Variants in TFR2 observed in about 807,000 individuals in gnomAD.
The protein encoded by TFR2 is transferrin receptor 2, also known as transferrin receptor protein 2.
Under a neutral mutation model 91.9 loss-of-function variants are expected in TFR2, and 64 were observed. That is an observed-to-expected ratio of 0.70 (90% CI 0.57 to 0.86). The LOEUF (loss-of-function observed/expected upper bound fraction) is 0.86, where lower values mean the gene tolerates loss of function less well. TFR2 is among the 40% of genes least tolerant of loss of function. TFR2 has a pLI of 0.00. For missense variants in TFR2, 950 were observed against 1,080.5 expected (o/e 0.88, Z 1.69); for synonymous variants, 454 against 459.6 (o/e 0.99, Z 0.15).
intron 9 of TFR2, among the ~76,000 whole-genome samples, chr7:100,629,626 T>C (rs563712962): frequency 9.9e-4 from 151 of 152,274 alleles, no homozygotes; most frequent in African/African-American, 3.4e-3. Context: ...GGTGTGATCA[T>C]AGCTCACTGC....
chr7:100,625,564 G>A (rs1053983632), intron 17 of TFR2, among the ~76,000 whole-genome samples: 4 of 152,102 alleles, frequency 2.6e-5, no homozygotes, highest in African/African-American at 9.7e-5. Flanking sequence ...GGTTAAAGAA[G>A]AATGAATGGA....
chr7:100,621,990 C>T (rs1803125149), intron 17 of TFR2, among the ~76,000 whole-genome samples: 1 of 152,118 alleles, frequency 6.6e-6, no homozygotes, highest in South Asian at 2.1e-4. Flanking sequence ...GGGCACCGCC[C>T]CAGTAAAATC....
intron 3 of TFR2, chr7:100,640,350 G>A (rs1331345941): frequency 2.5e-5 from 8 of 318,734 alleles, no homozygotes; most frequent in East Asian, 1.9e-4. Flanking sequence ...ACCCCTCAGC[G>A]CTCCCTGCTC....
intron 3 of TFR2, chr7:100,640,469 A>T: frequency 3.3e-6 from 2 of 603,026 alleles, no homozygotes; most frequent in Non-Finnish European, 5.8e-6. Context: ...TCACCTCCCA[A>T]ATATGCCACC....
chr7:100,626,985 C>A, intron 16 of TFR2, 82 bp from the exon 17 acceptor site: 1 of 1,482,046 alleles, frequency 6.7e-7, no homozygotes. Flanking sequence ...CCCCGCCTAG[C>A]ATGGGGAAGG....
chr7:100,633,162 C>T, intron 5 of TFR2, 39 bp from the exon 6 acceptor site: 1 of 1,613,166 alleles, frequency 6.2e-7, no homozygotes, highest in Non-Finnish European at 8.5e-7. Flanking sequence ...TCCCCGCGTC[C>T]CTCCTTCGAG....
chr7:100,630,248 T>C (rs936691493), intron 9 of TFR2, among the ~76,000 whole-genome samples: 9 of 148,804 alleles, frequency 6.0e-5, no homozygotes, highest in African/African-American at 9.8e-5. Context: ...CTCTCTCTCT[T>C]TCTTTCTTTT....
chr7:100,623,543 CAAGG>C (rs1803169730), intron 17 of TFR2, among the ~76,000 whole-genome samples: 1 of 151,718 alleles, frequency 6.6e-6, no homozygotes, highest in Non-Finnish European at 1.5e-5. Flanking sequence ...TTTGGGAGGC[CAAGG>C]TAGGAGGATT....
At chr7:100,638,828 G>A (rs1020759342) in intron 3 of TFR2, among the ~76,000 whole-genome samples, 1 of 152,074 alleles carries the variant, frequency 6.6e-6, no homozygotes, top group Admixed American at 6.6e-5. Context: ...GCTAAGGTGG[G>A]AGGATCACTT....
intron 17 of TFR2, among the ~76,000 whole-genome samples, chr7:100,621,656 G>A (rs1300869582): frequency 1.3e-5 from 2 of 151,988 alleles, no homozygotes; most frequent in East Asian, 1.9e-4. Flanking sequence ...ACAATCTATC[G>A]CCCTGCTGTT....
intron 9 of TFR2, among the ~76,000 whole-genome samples, chr7:100,630,478 C>T (rs1440955357): frequency 2.0e-5 from 3 of 152,040 alleles, no homozygotes; most frequent in Admixed American, 6.6e-5. Flanking sequence ...TTAGTAGAGA[C>T]GGGGTTTCAC....
In TFR2 at chr7:100,634,478, C is replaced by T. The variant is rs112738296; in HGVS notation, c.474-922G>A. On this transcript the variant is annotated intron_variant, in intron 3 of 17. Transcript: ENST00000223051. Reference sequence around the variant, plus strand: ...CTGTGTTTCCCAAGCTGGTCTTGAACTCCTGGCCTCAAGCGATCCTCCCAA... The same window carrying T: ...CTGTGTTTCCCAAGCTGGTCTTGAATTCCTGGCCTCAAGCGATCCTCCCAA... 4.2e-3 allele frequency among the ~76,000 whole-genome samples: 634 copies of T among 152,250 alleles called. 3 individuals carry two copies. Among genetic ancestry groups the T allele is most frequent in the African/African-American group, 0.013 (524 of 41,528 alleles).
rs1562842043 is a variant in TFR2 at position 100,633,127 on chromosome 7, G to GGGACACGA, written c.727-12_727-5dup. 6.2e-7 allele frequency: 1 copy of GGGACACGA among 1,613,358 alleles called. No homozygotes were observed. Among genetic ancestry groups the GGGACACGA allele is most frequent in the Non-Finnish European group, 8.5e-7 (1 of 1,179,836 alleles). ...AGTGGGCGTACACCAGCTCTCCCTG[G>GGGACACGA]GGACACGAGGACGGTGAGGCGCGCT... On this transcript the variant is annotated splice_region_variant and splice_polypyrimidine_tract_variant and intron_variant, in intron 5 of 17. Coordinates refer to ENST00000223051, the MANE Select transcript of TFR2 (RefSeq NM_003227.4).
In TFR2 at chr7:100,638,274, A is replaced by T. The variant is rs540813927; in HGVS notation, c.473+2412T>A. Reference sequence around the variant, plus strand: ...CACCTCGGCCTCCCAAAGTGCTGGGATTACAGGTGTGAGCCACCATGCCTG... The same window carrying T: ...CACCTCGGCCTCCCAAAGTGCTGGGTTTACAGGTGTGAGCCACCATGCCTG... On this transcript the variant is annotated intron_variant, in intron 3 of 17. Transcript: ENST00000223051. 1.5e-4 allele frequency among the ~76,000 whole-genome samples: 23 copies of T among 149,452 alleles called. 1 individual carries two copies. In the South Asian group the frequency reaches 5.0e-3, roughly 33 times the overall value.
chr7:100,627,167 C>T, intron 16 of TFR2, 97 bp downstream of exon 16: 5 of 1,402,094 alleles, frequency 3.6e-6, no homozygotes, highest in Non-Finnish European at 3.9e-6. Flanking sequence ...CAGAGAGGAC[C>T]TAGACCCCAG....
At chr7:100,633,697 GCTTTTTTT>G in intron 3 of TFR2, 141 bp from the exon 4 acceptor site, 3 of 859,586 alleles carry the variant, frequency 3.5e-6, no homozygotes, top group Non-Finnish European at 3.1e-6. Context: ...CCCCGCGGAC[GCTTTTTTT>G]TTTTTTTTTT....
Position 100,626,858 on chromosome 7 carries a change from A to C in TFR2, c.2041T>G (p.Tyr681Asp). Residue 681 changes from tyrosine (Y) to aspartate (D), a missense_variant, in exon 17 of 18, where the codon TAC becomes GAC. Physicochemically the swap from Tyr to Asp is radical, Grantham distance 160. Transcript: ENST00000223051. Reference sequence around the variant, plus strand: ...CGCAGCTTTTCCGCCGCCCGGATGTAGTCCCCCCGCGCCGAGTACACCCAC... The same window carrying C: ...CGCAGCTTTTCCGCCGCCCGGATGTCGTCCCCCCGCGCCGAGTACACCCAC... ...LQWVYSARGD[Y>D]IRAAEKLRQE... The C allele has an allele frequency of 6.5e-7, 1 of 1,548,422 alleles. No individual in the cohort carries two copies. Among genetic ancestry groups the C allele is most frequent in the Non-Finnish European group, 8.7e-7 (1 of 1,147,138 alleles).
At chr7:100,625,692 T>C (rs1190517533) in intron 17 of TFR2, among the ~76,000 whole-genome samples, 2 of 152,100 alleles carry the variant, frequency 1.3e-5, no homozygotes, top group Non-Finnish European at 2.9e-5. Flanking sequence ...GAGACCAGCC[T>C]GGGCAACATG....
chr7:100,631,305 CTTTTTT>C (rs542161282), intron 8 of TFR2, among the ~76,000 whole-genome samples: 3 of 95,718 alleles, frequency 3.1e-5, no homozygotes, highest in Non-Finnish European at 3.8e-5. Flanking sequence ...AGAAGAGTCA[CTTTTTT>C]TTTTTTTTTT....
Sources: gnomAD v4.1 joint callset for allele counts (sites outside exome capture counted in the v4.1 genomes callset) on GRCh38, gnomAD v4.1.1 for gene constraint, MANE v1.5 for transcripts, NCBI Gene and HGNC (gene_info 2026-07-23, HGNC 2026-07-21) for gene names.